NLRP1: variants seen among roughly 807,000 people sequenced by gnomAD.
NLRP1 encodes NACHT, LRR and PYD domains-containing protein 1.
Under a neutral mutation model 136.7 loss-of-function variants are expected in NLRP1, and 94 were observed. The observed-to-expected ratio is 0.69, with a 90% CI of 0.58 to 0.82. NLRP1 has a LOEUF of 0.82. Among genes scored for constraint, NLRP1 ranks in the 40% least tolerant of loss-of-function variants. The pLI, the probability that NLRP1 is intolerant of heterozygous loss-of-function variation, is 0.00. For missense variants in NLRP1, 1,575 were observed against 1,802.7 expected (o/e 0.87, Z 2.29); for synonymous variants, 690 against 725.1 (o/e 0.95, Z 0.78).
chr17:5,542,866 T>C (rs1370666977), intron 5 of NLRP1, among the ~76,000 whole-genome samples: 1 of 151,388 alleles, frequency 6.6e-6, no homozygotes, highest in African/African-American at 2.4e-5. Flanking sequence ...GTCTCGCTCT[T>C]TCACCCAGGC....
At chr17:5,575,149 G>GT (rs1478610658) in intron 3 of NLRP1, among the ~76,000 whole-genome samples, 3 of 152,132 alleles carry the variant, frequency 2.0e-5, no homozygotes, top group Admixed American at 1.3e-4. Flanking sequence ...GGAACAACCG[G>GT]TATCAGCCAC....
Position 5,530,514 on chromosome 17 carries a change from C to T in NLRP1, c.3487G>A (p.Ala1163Thr). Residue 1163 changes from alanine to threonine, a missense_variant, in exon 12 of 17, where the codon GCT (alanine) becomes ACT (threonine). Physicochemically the swap from Ala to Thr is moderately conservative, Grantham distance 58 (BLOSUM62 0). Transcript: ENST00000572272. ...DIKAEPGAVE[A>T]VHLPHFVALQ... ...GCCACAAAGTGAGGGAGGTGCACAG[C>T]TTCCACAGCTCCAGGCTCAGCCTTG... 1.2e-6 allele frequency: 2 copies of T among 1,614,202 alleles called. No individual in the cohort carries two copies. Among genetic ancestry groups the T allele is most frequent in the Non-Finnish European group, 1.7e-6 (2 of 1,180,038 alleles).
At chr17:5,510,241 G>A (rs1461979384), downstream of NLRP1, among the ~76,000 whole-genome samples, 1 of 151,978 alleles carries the variant, frequency 6.6e-6, no homozygotes, top group Admixed American at 6.6e-5. Flanking sequence ...TGTCTCCAGG[G>A]CTGGAGTGCA....
chr17:5,560,175 C>T, intron 3 of NLRP1, 132 bp from the exon 4 acceptor site: 1 of 834,406 alleles, frequency 1.2e-6, no homozygotes, highest in Non-Finnish European at 1.8e-6. Flanking sequence ...ATGTTCTTGC[C>T]ATGCGGCGGA....
At position 5,584,008 on chromosome 17, in the gene NLRP1, G is replaced by A. The variant is rs1320828813; in HGVS notation, c.-51C>T. 17 of 1,563,878 alleles carry A rather than the reference G, an allele frequency of 1.1e-5. No homozygotes were observed. The highest frequency in any genetic ancestry group is 1.5e-5 in the Non-Finnish European group (17 of 1,150,316). On this transcript the variant is annotated 5_prime_UTR_variant, in exon 1 of 17. Coordinates refer to ENST00000572272, the MANE Select transcript of NLRP1 (RefSeq NM_033004.4). ...CTGGGGGATGTTCCCAGGTGGTGAGGGTATCAGGCAGGCAGAGAACAGTGC... is the reference window on the plus strand; with the variant it reads ...CTGGGGGATGTTCCCAGGTGGTGAGAGTATCAGGCAGGCAGAGAACAGTGC...
chr17:5,567,587 G>C (rs757411425), intron 3 of NLRP1, among the ~76,000 whole-genome samples: 1 of 151,970 alleles, frequency 6.6e-6, no homozygotes, highest in Non-Finnish European at 1.5e-5. Flanking sequence ...TCTACTTAGG[G>C]TAAGAGAGGT....
chr17:5,530,369 T>G lies in NLRP1; in HGVS notation c.3520+112A>C, dbSNP rs542721522. 1.6e-5 allele frequency: 14 copies of G among 875,118 alleles called. No homozygotes were observed. In the Admixed American group the frequency reaches 1.8e-4, roughly 11 times the overall value. 54.2% of individuals were successfully genotyped at this position (875,118 alleles called of 1,614,324 possible). ...TAGTCCCCATCTCCATAACCCCCCCTCGGCCCCTCTAAGGAAGCCACAACA... is the reference window on the plus strand; with the variant it reads ...TAGTCCCCATCTCCATAACCCCCCCGCGGCCCCTCTAAGGAAGCCACAACA... On this transcript the variant is annotated intron_variant, in intron 12 of 16. Coordinates refer to ENST00000572272, the MANE Select transcript of NLRP1 (RefSeq NM_033004.4).
At chr17:5,502,173 G>A (rs1271202819) in intron 15 of NLRP1, 2 of 303,904 alleles carry the variant, frequency 6.6e-6, no homozygotes, top group African/African-American at 2.1e-5. Flanking sequence ...AATAACGGCA[G>A]CAGCAAACTC....
intron 9 of NLRP1, 73 bp from the exon 10 acceptor site, chr17:5,533,457 G>A: frequency 1.4e-6 from 1 of 699,518 alleles, no homozygotes; most frequent in Non-Finnish European, 2.6e-6. Context: ...TCAGGAGGCG[G>A]AGGTGGGAGG....
At position 5,559,733 on chromosome 17, in the gene NLRP1, G is replaced by T. The variant is rs1462581150; in HGVS notation, c.963C>A (p.Gly321=). Residue 321 remains glycine, a synonymous_variant, in exon 4 of 17, where the codon GGC becomes GGA. Transcript: ENST00000572272. ...LIEIRDLFGP[G]LDTQEPRIVI... is the part of the protein sequence containing the mutation. ...CTATGCGAGGTTCTTGGGTATCCAG[G>T]CCTGGGCCAAATAAGTCTCTGATCT... 2.5e-6 allele frequency: 4 copies of T among 1,614,254 alleles called. No individual in the cohort carries two copies. Among genetic ancestry groups the T allele is most frequent in the Non-Finnish European group, 8.5e-7 (1 of 1,180,048 alleles).
intron 14 of NLRP1, chr17:5,518,548 T>C (rs1908438858): frequency 3.3e-5 from 5 of 151,386 alleles, no homozygotes. Context: ...CCTTTTGTTT[T>C]TTTCTCTTTT....
chr17:5,556,084 C>CTCTG (rs1331115055), intron 4 of NLRP1, among the ~76,000 whole-genome samples: 1 of 142,710 alleles, frequency 7.0e-6, no homozygotes, highest in Non-Finnish European at 1.5e-5. Flanking sequence ...CAGAGCAAGA[C>CTCTG]TCTGTCTGTC....
At chr17:5,526,515 A>G (rs562987151) in intron 12 of NLRP1, among the ~76,000 whole-genome samples, 1 of 152,282 alleles carries the variant, frequency 6.6e-6, no homozygotes, top group East Asian at 1.9e-4. Context: ...TCCCACAGGC[A>G]GCACAGAGAG....
intron 5 of NLRP1, among the ~76,000 whole-genome samples, chr17:5,547,922 T>C (rs2175827): frequency 0.13 from 20,357 of 152,228 alleles, 2,806 homozygotes; most frequent in East Asian, 0.71. Flanking sequence ...TTTTCTTCAA[T>C]TTCCTTGGAA....
At chr17:5,529,787 CTTATT>C (rs1910014408) in intron 12 of NLRP1, 6 of 309,040 alleles carry the variant, frequency 1.9e-5, no homozygotes, top group Non-Finnish European at 3.2e-5. Context: ...ATTATACACA[CTTATT>C]TTATGTTCTT....
chr17:5,515,931 T>C (rs1189877656), intron 15 of NLRP1, among the ~76,000 whole-genome samples: 1 of 152,236 alleles, frequency 6.6e-6, no homozygotes, highest in East Asian at 1.9e-4. Context: ...TGTTTAGCCT[T>C]CTAGACTGGC....
At chr17:5,527,994 C>T (rs563124901) in intron 12 of NLRP1, among the ~76,000 whole-genome samples, 13 of 152,334 alleles carry the variant, frequency 8.5e-5, no homozygotes, top group South Asian at 4.1e-4. Flanking sequence ...TTTGTCCCCT[C>T]GGGCCCTGGT....
Position 5,558,345 on chromosome 17 carries a change from A to G in NLRP1, c.2351T>C (p.Val784Ala), listed in dbSNP as rs1914334204. 2 of 1,603,558 alleles carry G rather than the reference A, an allele frequency of 1.2e-6. No homozygotes were observed. Reference protein sequence around the residue: ...QHRSTWSPTMVVLFRWVPVTD... With the variant: ...QHRSTWSPTMAVLFRWVPVTD... ...GGGTGGTTTGGGTACTCACAGGACT[A>G]CCATGGTGGGGCTCCATGTTGATCT... Residue 784 changes from valine (V) to alanine (A), a missense_variant, in exon 4 of 17, where the codon GTA (valine) becomes GCA (alanine). Transcript: ENST00000572272.
At chr17:5,568,582 T>G (rs2309401) in intron 3 of NLRP1, among the ~76,000 whole-genome samples, 43,722 of 152,056 alleles carry the variant, frequency 0.29, 8,028 homozygotes, top group Non-Finnish European at 0.4. Context: ...GGTGAGGTCA[T>G]GTTTTCCTGG....
Sources: allele counts gnomAD v4.1 joint callset (sites outside exome capture counted in the v4.1 genomes callset), GRCh38; gene constraint gnomAD v4.1.1; transcripts MANE v1.5; gene names NCBI Gene and HGNC (gene_info 2026-07-23, HGNC 2026-07-21).